LYPLAL1: variants seen among roughly 807,000 people sequenced by gnomAD.
LYPLAL1 encodes the protein lysophospholipase-like protein 1.
LYPLAL1 carries 23 observed loss-of-function variants against 19.7 expected under a neutral mutation model. The observed-to-expected ratio is 1.17, with a 90% confidence interval of 0.84 to 1.65. The LOEUF is 1.65. Ranked by LOEUF, LYPLAL1 falls within the 40% of genes most tolerant of loss-of-function variation. LYPLAL1 has a pLI of 0.00. For missense variants in LYPLAL1, 355 were observed against 279.4 expected (o/e 1.27, Z -1.93); for synonymous variants, 119 against 96.3 (o/e 1.24, Z -1.38).
At chr1:219,360,444 A>G in the LYPLAL1 span, among the ~76,000 whole-genome samples, 26 of 152,322 alleles carry the variant, frequency 1.7e-4, no homozygotes, top group African/African-American at 5.8e-4. Context: ...CGGAGTAGTC[A>G]TTTGACAAAG....
chr1:219,423,234 T>C, the LYPLAL1 span, among the ~76,000 whole-genome samples: 2 of 152,156 alleles, frequency 1.3e-5, no homozygotes, highest in Non-Finnish European at 2.9e-5. Context: ...TTGGACTTTC[T>C]GGCTTTCTGC....
At chr1:219,297,484 T>C in the LYPLAL1 span, among the ~76,000 whole-genome samples, 1 of 152,222 alleles carries the variant, frequency 6.6e-6, no homozygotes, top group Non-Finnish European at 1.5e-5. Flanking sequence ...TTGGGCAGTG[T>C]CTCAGATTGA....
the LYPLAL1 span, among the ~76,000 whole-genome samples, chr1:219,228,759 A>C: frequency 5.6e-3 from 847 of 152,090 alleles, 11 homozygotes; most frequent in Admixed American, 0.01. Flanking sequence ...GGCTCACCAC[A>C]ACCTCCGCCT....
intron 3 of LYPLAL1, among the ~76,000 whole-genome samples, chr1:219,199,475 G>A (rs879319999): frequency 1.3e-4 from 20 of 150,420 alleles, no homozygotes; most frequent in African/African-American, 3.9e-4. Context: ...GTCTCGCTCT[G>A]TGGCCCGCCC....
chr1:219,225,428 C>T, the LYPLAL1 span: 1 of 152,142 alleles, frequency 6.6e-6, no homozygotes, highest in Non-Finnish European at 1.5e-5. Flanking sequence ...TAAAAAATGA[C>T]TTTTTCTCCA....
chr1:219,230,748 T>G, the LYPLAL1 span, among the ~76,000 whole-genome samples: 1 of 152,226 alleles, frequency 6.6e-6, no homozygotes, highest in Non-Finnish European at 1.5e-5. Flanking sequence ...CAGTGAATAT[T>G]TAAATTCAAA....
At chr1:219,264,668 C>G in the LYPLAL1 span, among the ~76,000 whole-genome samples, 1 of 152,096 alleles carries the variant, frequency 6.6e-6, no homozygotes, top group African/African-American at 2.4e-5. Flanking sequence ...TTTAGATGAT[C>G]TTTTCTCCTA....
chr1:219,418,322 G>A, the LYPLAL1 span, among the ~76,000 whole-genome samples: 1 of 152,024 alleles, frequency 6.6e-6, no homozygotes, highest in African/African-American at 2.4e-5. Flanking sequence ...AAGATAAAGG[G>A]TAGCAATTCC....
the LYPLAL1 span, among the ~76,000 whole-genome samples, chr1:219,374,796 T>G: frequency 2.0e-5 from 3 of 152,332 alleles, no homozygotes; most frequent in African/African-American, 7.2e-5. Flanking sequence ...CACAGATGAA[T>G]AGAATCAGCA....
At chr1:219,230,015 G>T in the LYPLAL1 span, among the ~76,000 whole-genome samples, 1 of 152,154 alleles carries the variant, frequency 6.6e-6, no homozygotes, top group Admixed American at 6.5e-5. Flanking sequence ...TTTTAGTCAC[G>T]TAAATAAAAA....
the LYPLAL1 span, among the ~76,000 whole-genome samples, chr1:219,227,054 C>T: frequency 6.6e-6 from 1 of 152,172 alleles, no homozygotes; most frequent in Admixed American, 6.5e-5. Context: ...AAAACTGCAT[C>T]GTTTGTTTGA....
the LYPLAL1 span, among the ~76,000 whole-genome samples, chr1:219,430,695 A>C: frequency 6.6e-6 from 1 of 152,222 alleles, no homozygotes; most frequent in Admixed American, 6.5e-5. Context: ...AAAAACACTT[A>C]GAGGCTTAGT....
chr1:219,360,112 C>T, the LYPLAL1 span, among the ~76,000 whole-genome samples: 3 of 152,126 alleles, frequency 2.0e-5, no homozygotes, highest in Admixed American at 2.0e-4. Context: ...TTAAGAAAAT[C>T]CAAGAGAGCA....
chr1:219,191,713 A>G (rs1305398403), intron 2 of LYPLAL1, among the ~76,000 whole-genome samples: 1 of 151,536 alleles, frequency 6.6e-6, no homozygotes, highest in Non-Finnish European at 1.5e-5. Flanking sequence ...GATTGACATG[A>G]AAAACATCTA....
chr1:219,395,229 A>G, the LYPLAL1 span, among the ~76,000 whole-genome samples: 2 of 152,242 alleles, frequency 1.3e-5, no homozygotes, highest in Non-Finnish European at 2.9e-5. Context: ...GAACTATTTT[A>G]CACTCTCACT....
At chr1:219,331,212 C>T in the LYPLAL1 span, among the ~76,000 whole-genome samples, 1 of 152,256 alleles carries the variant, frequency 6.6e-6, no homozygotes, top group Admixed American at 6.5e-5. Context: ...TTATGACTCC[C>T]AGATTTCATC....
In LYPLAL1 at chr1:219,210,584, T is replaced by A; in HGVS notation, c.414T>A (p.His138Gln). 1.2e-6 allele frequency: 2 copies of A among 1,610,550 alleles called. No homozygotes were observed. Among genetic ancestry groups the A allele is most frequent in the Non-Finnish European group, 1.7e-6 (2 of 1,177,876 alleles). The change falls in exon 4 of 5, where the codon CAT becomes CAA. Residue 138 changes from histidine to glutamine, a missense_variant. His to Gln is a conservative substitution (Grantham distance 24, BLOSUM62 0). Coordinates refer to ENST00000366928, the MANE Select transcript of LYPLAL1 (RefSeq NM_138794.5). ...CAATACATTTAGCATATAGAAATCA[T>A]CAAGATGTGGCAGGAGTATTTGCTC... ...CMAIHLAYRN[H>Q]QDVAGVFALS...
the LYPLAL1 span, among the ~76,000 whole-genome samples, chr1:219,328,999 A>T: frequency 6.6e-6 from 1 of 152,132 alleles, no homozygotes; most frequent in East Asian, 1.9e-4. Context: ...AGTAACTTTC[A>T]ATCCTTTTTG....
chr1:219,406,409 T>C, the LYPLAL1 span, among the ~76,000 whole-genome samples: 1 of 152,350 alleles, frequency 6.6e-6, no homozygotes, highest in South Asian at 2.1e-4. Flanking sequence ...AGAACCTCAC[T>C]GCTTTCATTA....
Sources: gnomAD v4.1 joint callset for allele counts (sites outside exome capture counted in the v4.1 genomes callset) on GRCh38, gnomAD v4.1.1 for gene constraint, MANE v1.5 for transcripts, NCBI Gene and HGNC (gene_info 2026-07-23, HGNC 2026-07-21) for gene names.